The following ARB2A variants were observed in gnomAD, a reference collection of about 807,000 sequenced individuals.
The protein encoded by ARB2A is ARB2 cotranscriptional regulator A.
chr5:93,902,174 A>G, the ARB2A span, among the ~76,000 whole-genome samples: 1 of 152,062 alleles, frequency 6.6e-6, no homozygotes, highest in Non-Finnish European at 1.5e-5. Flanking sequence ...ACGTATTTCT[A>G]TTTTATACAA....
At chr5:94,082,505 A>AATT in the ARB2A span, among the ~76,000 whole-genome samples, 1 of 152,166 alleles carries the variant, frequency 6.6e-6, no homozygotes, top group Non-Finnish European at 1.5e-5. Flanking sequence ...ACCAACAATA[A>AATT]AGTTTAATGG....
the ARB2A span, among the ~76,000 whole-genome samples, chr5:94,044,980 A>G: frequency 3.3e-5 from 5 of 151,522 alleles, no homozygotes; most frequent in African/African-American, 9.7e-5. Context: ...TTAGCCAGGC[A>G]TGGTGGCGCT....
chr5:93,992,766 G>A, the ARB2A span, among the ~76,000 whole-genome samples: 55 of 152,110 alleles, frequency 3.6e-4, no homozygotes, highest in African/African-American at 1.2e-3. Context: ...AAATCTAAAT[G>A]ATAGTTTTCA....
chr5:94,012,977 C>T, the ARB2A span, among the ~76,000 whole-genome samples: 1 of 152,094 alleles, frequency 6.6e-6, no homozygotes, highest in African/African-American at 2.4e-5. Context: ...AGTCTTCAGG[C>T]ATGTGCAGTT....
the ARB2A span, among the ~76,000 whole-genome samples, chr5:93,654,069 C>T: frequency 6.6e-6 from 1 of 152,194 alleles, no homozygotes; most frequent in East Asian, 1.9e-4. Flanking sequence ...TGTGAAGATA[C>T]AAAAATGAAT....
At chr5:93,912,903 A>AT in the ARB2A span, among the ~76,000 whole-genome samples, 740 of 151,866 alleles carry the variant, frequency 4.9e-3, 3 homozygotes, top group African/African-American at 0.016. Flanking sequence ...AAGGAAGACC[A>AT]TTTTTTTAAA....
At chr5:93,724,254 C>T in the ARB2A span, among the ~76,000 whole-genome samples, 1 of 151,912 alleles carries the variant, frequency 6.6e-6, no homozygotes, top group East Asian at 1.9e-4. Flanking sequence ...GAGCAATTAA[C>T]ATTACCAAAA....
the ARB2A span, among the ~76,000 whole-genome samples, chr5:93,994,456 T>C: frequency 6.6e-6 from 1 of 152,136 alleles, no homozygotes; most frequent in Non-Finnish European, 1.5e-5. Flanking sequence ...ATGAGGCATC[T>C]AAAATAGTCA....
At chr5:94,092,055 A>G in the ARB2A span, among the ~76,000 whole-genome samples, 1 of 152,028 alleles carries the variant, frequency 6.6e-6, no homozygotes, top group Non-Finnish European at 1.5e-5. Context: ...AGCACTTAGC[A>G]TTACAAAAAT....
At chr5:94,007,852 T>C in the ARB2A span, among the ~76,000 whole-genome samples, 2 of 151,358 alleles carry the variant, frequency 1.3e-5, no homozygotes, top group East Asian at 3.9e-4. Flanking sequence ...GCAAGCAACA[T>C]GAGCATATCT....
the ARB2A span, among the ~76,000 whole-genome samples, chr5:93,864,675 T>G: frequency 3.7e-3 from 566 of 152,318 alleles, 1 homozygote; most frequent in Non-Finnish European, 6.2e-3. Context: ...AAAATGTATA[T>G]AGTCTCAAAT....
the ARB2A span, among the ~76,000 whole-genome samples, chr5:93,644,160 G>A: frequency 6.6e-5 from 10 of 152,224 alleles, no homozygotes; most frequent in South Asian, 2.1e-4. Context: ...ATAAATACTC[G>A]TTGAAGTAGC....
the ARB2A span, among the ~76,000 whole-genome samples, chr5:93,912,844 G>C: frequency 6.6e-6 from 1 of 151,310 alleles, no homozygotes; most frequent in Non-Finnish European, 1.5e-5. Context: ...GTTTTCCAAA[G>C]GTAATCTGCC....
chr5:93,674,817 G>A, the ARB2A span, among the ~76,000 whole-genome samples: 1 of 152,144 alleles, frequency 6.6e-6, no homozygotes, highest in South Asian at 2.1e-4. Context: ...GTTGCTGAAT[G>A]TTCTCAATAA....
the ARB2A span, chr5:93,958,658 AT>A: frequency 3.7e-5 from 27 of 721,206 alleles, no homozygotes; most frequent in Non-Finnish European, 5.2e-5. Flanking sequence ...AGTAAAATAA[AT>A]AATAACAACC....
chr5:93,973,436 C>T, the ARB2A span, among the ~76,000 whole-genome samples: 22 of 152,180 alleles, frequency 1.4e-4, no homozygotes, highest in Middle Eastern at 6.8e-3. Flanking sequence ...GTGACCAAAT[C>T]TATGACTTAC....
the ARB2A span, among the ~76,000 whole-genome samples, chr5:94,018,335 C>T: frequency 2.0e-4 from 30 of 152,150 alleles, no homozygotes; most frequent in African/African-American, 7.0e-4. Context: ...AAAAGTCAGC[C>T]ACTATTTCCC....
At chr5:93,976,418 G>A in the ARB2A span, among the ~76,000 whole-genome samples, 4 of 152,182 alleles carry the variant, frequency 2.6e-5, no homozygotes, top group African/African-American at 4.8e-5. Flanking sequence ...TCAGGCAAGA[G>A]GAAGAAATAA....
chr5:93,996,720 T>C, the ARB2A span, among the ~76,000 whole-genome samples: 1 of 152,216 alleles, frequency 6.6e-6, no homozygotes, highest in Non-Finnish European at 1.5e-5. Context: ...AACTGGTGCC[T>C]TGAAAATGTT....
Sources: gnomAD v4.1 joint callset for allele counts (sites outside exome capture counted in the v4.1 genomes callset) on GRCh38, gnomAD v4.1.1 for gene constraint, MANE v1.5 for transcripts, NCBI Gene and HGNC (gene_info 2026-07-23, HGNC 2026-07-21) for gene names.